Variants in SPTAN1 observed in about 807,000 individuals in gnomAD.
SPTAN1 encodes spectrin alpha, non-erythrocytic 1.
A neutral mutation model predicts 331.3 loss-of-function variants in SPTAN1; 61 were observed. The ratio of observed to expected loss-of-function variants is 0.18; its 90% confidence interval spans 0.15 to 0.23. SPTAN1 has a LOEUF of 0.23. Among genes scored for constraint, SPTAN1 ranks in the 10% least tolerant of loss-of-function variants. The probability of loss-of-function intolerance (pLI) is 1.00; values close to 1 mark genes in which losing one functional copy is unlikely to be tolerated. For synonymous variants in SPTAN1, 1,153 were observed against 1,173.9 expected, an observed-to-expected ratio of 0.98 and a Z score of 0.36; for missense variants, 2,043 against 3,147.9, an observed-to-expected ratio of 0.65 and a Z score of 8.40.
chr9:128,570,908 G>A (rs1361697380), intron 3 of SPTAN1, among the ~76,000 whole-genome samples: 3 of 152,098 alleles, frequency 2.0e-5, no homozygotes, highest in Non-Finnish European at 4.4e-5. Context: ...TGATCTGCCC[G>A]CCTTGGCCTC....
At chr9:128,597,849 C>T (rs1854518487) in intron 24 of SPTAN1, among the ~76,000 whole-genome samples, 1 of 151,982 alleles carries the variant, frequency 6.6e-6, no homozygotes, top group African/African-American at 2.4e-5. Context: ...CGGGGTTTCA[C>T]CATATTGGCC....
At position 128,632,322 on chromosome 9, in the gene SPTAN1, A is replaced by C; in HGVS notation, c.6958A>C (p.Arg2320=). Residue 2320 remains arginine (R), a splice_region_variant and synonymous_variant, in exon 53 of 57, where the codon AGG becomes CGG. Coordinates refer to ENST00000372739, the MANE Select transcript of SPTAN1 (RefSeq NM_001130438.3). The part of the protein sequence containing the change: ...QHNLEQQIQA[R]NTTGVTEEAL... Reference sequence around the variant, plus strand: ...CAACCTGGAGCAGCAGATCCAGGCCAGGTACCCGGGAGGGCTGTGGGCCAG... The same window carrying C: ...CAACCTGGAGCAGCAGATCCAGGCCCGGTACCCGGGAGGGCTGTGGGCCAG... 1.2e-6 allele frequency: 2 copies of C among 1,613,530 alleles called. No individual in the cohort carries two copies. The highest frequency in any genetic ancestry group is 1.7e-6 in the Non-Finnish European group (2 of 1,179,924).
Position 128,633,198 on chromosome 9 carries a change from T to C in SPTAN1, c.7309-11T>C. 6.2e-7 allele frequency: 1 copy of C among 1,613,836 alleles called. No individual in the cohort carries two copies. Among genetic ancestry groups the C allele is most frequent in the Non-Finnish European group, 8.5e-7 (1 of 1,179,964 alleles). Reference sequence around the variant, plus strand: ...TGGCTCAGGCACCAGGTGCCATCTCTTACCCCACAGAACCTGACCCGGGAA... The same window carrying C: ...TGGCTCAGGCACCAGGTGCCATCTCCTACCCCACAGAACCTGACCCGGGAA... On this transcript the variant is annotated splice_polypyrimidine_tract_variant and intron_variant, in intron 56 of 56. Coordinates refer to ENST00000372739, the MANE Select transcript of SPTAN1 (RefSeq NM_001130438.3).
chr9:128,618,942 T>C lies in SPTAN1; in HGVS notation c.5672T>C (p.Ile1891Thr), dbSNP rs961696023. Reference protein sequence around the residue: ...VANVEEEEAWINEKMTLVASE... With the variant: ...VANVEEEEAWTNEKMTLVASE... ...AATGTGGAAGAGGAAGAAGCCTGGA[T>C]CAATGAGAAAATGACCCTGGTGGCC... The change falls in exon 44 of 57, where the codon ATC (isoleucine) becomes ACC (threonine). Residue 1891 changes from isoleucine (I) to threonine (T), a missense_variant. This residue lies in a region of SPTAN1 where 323 missense variants were observed against 581.1 expected (regional missense o/e 0.56). Coordinates refer to ENST00000372739, the MANE Select transcript of SPTAN1 (RefSeq NM_001130438.3). 1.2e-6 allele frequency: 2 copies of C among 1,613,988 alleles called. No homozygotes were observed. The highest frequency in any genetic ancestry group is 2.7e-5 in the African/African-American group (2 of 74,912).
chr9:128,612,007 G>A (rs1856625281), intron 38 of SPTAN1, 102 bp from the exon 39 acceptor site: 2 of 1,606,054 alleles, frequency 1.2e-6, no homozygotes, highest in Non-Finnish European at 1.7e-6. Context: ...GCTCCTATGA[G>A]TGTTTTCCAT....
chr9:128,592,894 T>C (rs1325521865), intron 22 of SPTAN1, 89 bp from the exon 23 acceptor site: 3 of 1,232,716 alleles, frequency 2.4e-6, no homozygotes, highest in Non-Finnish European at 3.5e-6. Context: ...GCATCCACCA[T>C]CATGGCACCA....
intron 52 of SPTAN1, 24 bp downstream of exon 52, chr9:128,630,399 C>T: frequency 1.9e-6 from 3 of 1,611,270 alleles, no homozygotes; most frequent in Non-Finnish European, 2.5e-6. Flanking sequence ...GGGCTCTGGC[C>T]CAGCAGAGAC....
At chr9:128,628,475 G>A (rs1045575847) in intron 51 of SPTAN1, 8 of 319,130 alleles carry the variant, frequency 2.5e-5, no homozygotes, top group Admixed American at 4.2e-5. Flanking sequence ...AAGACTGTCC[G>A]CCCTAATAGA....
chr9:128,601,087 G>T (rs1175151818), intron 27 of SPTAN1, among the ~76,000 whole-genome samples: 2 of 140,282 alleles, frequency 1.4e-5, no homozygotes, highest in South Asian at 2.3e-4. Flanking sequence ...AGATTCAAGC[G>T]ATCCTCCTTC....
At chr9:128,563,429 A>G (rs894750921) in intron 1 of SPTAN1, among the ~76,000 whole-genome samples, 2 of 152,126 alleles carry the variant, frequency 1.3e-5, no homozygotes, top group African/African-American at 2.4e-5. Flanking sequence ...CAAAAAACAA[A>G]AAAACGCCAC....
At chr9:128,610,383 A>G (rs952240109) in intron 37 of SPTAN1, among the ~76,000 whole-genome samples, 1 of 152,184 alleles carries the variant, frequency 6.6e-6, no homozygotes, top group Non-Finnish European at 1.5e-5. Context: ...TTGTCAGGAT[A>G]TCTGAGTGTT....
chr9:128,584,799 G>A lies in SPTAN1; in HGVS notation c.2516G>A (p.Arg839His), dbSNP rs779633188. ...GCAGAAATTGCTGGACATGAACCAC[G>A]CATCAAAGCAGTTACACAGAAGGGG... ...LQAEIAGHEP[R>H]IKAVTQKGNA... The change falls in exon 18 of 57, where the codon CGC becomes CAC. Residue 839 changes from arginine (R) to histidine (H), a missense_variant. Physicochemically the swap from Arg to His is conservative, Grantham distance 29. Transcript: ENST00000372739. 4 of 1,614,138 alleles carry A rather than the reference G, an allele frequency of 2.5e-6. No homozygotes were observed. Among genetic ancestry groups the A allele is most frequent in the South Asian group, 1.1e-5 (1 of 91,084 alleles).
At position 128,584,307 on chromosome 9, in the gene SPTAN1, A is replaced by G. The variant is rs1763354628; in HGVS notation, c.2219A>G (p.Gln740Arg). Residue 740 changes from glutamine to arginine, a missense_variant, in exon 17 of 57, where the codon CAG becomes CGG. Physicochemically the swap from Gln to Arg is conservative, Grantham distance 43. This residue lies in a region of SPTAN1 where 1,038 missense variants were observed against 1,531.5 expected (regional missense o/e 0.68). Coordinates refer to ENST00000372739, the MANE Select transcript of SPTAN1 (RefSeq NM_001130438.3). ...HQDRIDGITIQARQFQDAGHF... is the reference protein window; with the variant it reads ...HQDRIDGITIRARQFQDAGHF... Reference sequence around the variant, plus strand: ...GACCGAATTGATGGCATCACCATTCAGGCCCGCCAGTTCCAAGATGCTGGC... The same window carrying G: ...GACCGAATTGATGGCATCACCATTCGGGCCCGCCAGTTCCAAGATGCTGGC... The G allele has an allele frequency of 6.2e-7, 1 of 1,614,104 alleles. No individual in the cohort carries two copies. The highest frequency in any genetic ancestry group is 1.7e-5 in the Admixed American group (1 of 59,998).
At chr9:128,598,711 G>C (rs1462448943) in intron 25 of SPTAN1, 2 of 654,384 alleles carry the variant, frequency 3.1e-6, no homozygotes, top group Non-Finnish European at 5.4e-6. Flanking sequence ...AGGGGGGTGG[G>C]GGCTTCTGTC....
intron 39 of SPTAN1, among the ~76,000 whole-genome samples, chr9:128,612,874 G>C (rs1190067046): frequency 6.6e-6 from 1 of 152,006 alleles, no homozygotes; most frequent in Non-Finnish European, 1.5e-5. Context: ...GCAGTGAGCT[G>C]GGATCACACC....
intron 38 of SPTAN1, 80 bp from the exon 39 acceptor site, chr9:128,612,029 A>C: frequency 6.2e-7 from 1 of 1,612,432 alleles, no homozygotes; most frequent in Non-Finnish European, 8.5e-7. Context: ...CTCTTCTCTT[A>C]GAAGTTCTCA....
intron 36 of SPTAN1, 48 bp downstream of exon 36, chr9:128,609,332 T>C (rs1856309113): frequency 1.2e-6 from 2 of 1,613,058 alleles, no homozygotes; most frequent in East Asian, 2.2e-5. Context: ...CTTATGTTAT[T>C]GAGTAGATTT....
At chr9:128,588,004 C>G (rs1255705727) in intron 20 of SPTAN1, among the ~76,000 whole-genome samples, 1 of 131,886 alleles carries the variant, frequency 7.6e-6, no homozygotes. Flanking sequence ...CACCACCATG[C>G]CCAGCTAAAT....
chr9:128,566,014 T>C (rs113115179), intron 1 of SPTAN1, among the ~76,000 whole-genome samples: 22 of 152,336 alleles, frequency 1.4e-4, no homozygotes, highest in African/African-American at 5.3e-4. Flanking sequence ...CGTTAATCTG[T>C]ATCTGTTTCC....
Sources: allele counts gnomAD v4.1 joint callset (sites outside exome capture counted in the v4.1 genomes callset), GRCh38; gene constraint gnomAD v4.1.1; regional missense constraint gnomAD v4.1.1; transcripts MANE v1.5; gene names NCBI Gene and HGNC (gene_info 2026-07-23, HGNC 2026-07-21).